MED23: variants seen among roughly 807,000 people sequenced by gnomAD.
The protein encoded by MED23 is mediator complex subunit 23, also known as mediator of RNA polymerase II transcription subunit 23.
MED23 carries 105 observed loss-of-function variants against 163.9 expected under a neutral mutation model. The observed-to-expected ratio is 0.64, with a 90% CI of 0.55 to 0.75. MED23 has a LOEUF of 0.75. MED23 is among the 30% of genes least tolerant of loss of function. The pLI, the probability that MED23 is intolerant of heterozygous loss-of-function variation, is 0.00. For missense variants in MED23, 1,054 were observed against 1,649.0 expected, an observed-to-expected ratio of 0.64 and a Z score of 6.25; for synonymous variants, 561 against 565.6, an observed-to-expected ratio of 0.99 and a Z score of 0.12.
intron 16 of MED23, among the ~76,000 whole-genome samples, chr6:131,602,701 T>G (rs1423177646): frequency 6.6e-6 from 1 of 152,106 alleles, no homozygotes; most frequent in Middle Eastern, 3.2e-3. Context: ...AAAATCAATG[T>G]GACATGATAC....
downstream of MED23, among the ~76,000 whole-genome samples, chr6:131,585,073 A>C (rs1189820684): frequency 1.3e-5 from 2 of 151,782 alleles, no homozygotes; most frequent in Non-Finnish European, 2.9e-5. Flanking sequence ...GTTTGTTTTT[A>C]ATAATAATTA....
At chr6:131,591,767 T>C (rs1774655121) in intron 25 of MED23, 1 of 543,422 alleles carries the variant, frequency 1.8e-6, no homozygotes, top group African/African-American at 1.9e-5. Context: ...TGATATACAC[T>C]ATGCAGTAAA....
At position 131,623,521 on chromosome 6, in the gene MED23, A is replaced by G; in HGVS notation, c.285-59T>C. 5 of 1,324,350 alleles carry G rather than the reference A, an allele frequency of 3.8e-6. No individual in the cohort carries two copies. The South Asian group carries it at 5.9e-5, about 16-fold the overall frequency. The allele number at this position is 1,324,350 out of a possible 1,614,324, so 82.0% of individuals were successfully genotyped here. On this transcript the variant is annotated intron_variant, in intron 4 of 28. Coordinates refer to ENST00000368068, the MANE Select transcript of MED23 (RefSeq NM_004830.4). Reference sequence around the variant, plus strand: ...GACAGAATTTTCCAAGTTCTCTAATAGCCGCCAATATGGTTTGGCTGTGTA... The same window carrying G: ...GACAGAATTTTCCAAGTTCTCTAATGGCCGCCAATATGGTTTGGCTGTGTA...
chr6:131,595,968 C>G lies in MED23; in HGVS notation c.2974G>C (p.Gly992Arg). Residue 992 changes from glycine (G) to arginine (R), a missense_variant, in exon 22 of 29, where the codon GGA becomes CGA. Transcript: ENST00000368068. ...TCACCATGAAATTTATATAAGCCTC[C>G]TAGATGATCCAGTAGAGTCTCCAGT... ...KSLETLLDHL[G>R]GLYKFHDRPV... The G allele has an allele frequency of 6.2e-7, 1 of 1,613,800 alleles. No homozygotes were observed.
chr6:131,591,610 T>C (rs1774641931), intron 25 of MED23, 83 bp from the exon 26 acceptor site: 1 of 1,085,926 alleles, frequency 9.2e-7, no homozygotes, highest in Non-Finnish European at 1.4e-6. Context: ...TGTTTTCTCA[T>C]TCTTTAAAGT....
At chr6:131,615,778 C>T (rs1776646756) in intron 10 of MED23, 129 bp downstream of exon 10, 4 of 711,940 alleles carry the variant, frequency 5.6e-6, no homozygotes, top group Non-Finnish European at 1.0e-5. Context: ...GTTTAAAAAA[C>T]CATGTATATT....
Position 131,628,017 on chromosome 6 carries a change from C to T in MED23, c.33G>A (p.Glu11=). ...GGCCGGCAGCTGCACTCACCACCAC[C>T]TCTTCGAAAATGCTCTGCAGTTGCG... METQLQSIFE[E]VVKTEVIEEA... Residue 11 remains glutamate (E), a synonymous_variant, in exon 1 of 29, where the codon GAG becomes GAA. Transcript: ENST00000368068. 2.5e-6 allele frequency: 4 copies of T among 1,614,092 alleles called. No individual in the cohort carries two copies. The highest frequency in any genetic ancestry group is 3.4e-6 in the Non-Finnish European group (4 of 1,180,040).
chr6:131,619,893 G>A lies in MED23; in HGVS notation c.601C>T (p.Leu201Phe). 6.2e-7 allele frequency: 1 copy of A among 1,607,040 alleles called. No homozygotes were observed. Among genetic ancestry groups the A allele is most frequent in the Non-Finnish European group, 8.5e-7 (1 of 1,174,432 alleles). ...ACAAAGTCTGATACTAGGTTTCCAA[G>A]TAACTAAAGAGAGAAAGAAAGAGGG... ...YPEGKLPHWL[L>F]GNLVSDFVDT... is the part of the protein sequence containing the mutation. The change falls in exon 8 of 29, where the codon CTT becomes TTT. Residue 201 changes from leucine (L) to phenylalanine (F), a missense_variant. Transcript: ENST00000368068.
intron 30 of MED23, among the ~76,000 whole-genome samples, chr6:131,580,002 G>A (rs906608341): frequency 5.9e-5 from 9 of 152,052 alleles, no homozygotes; most frequent in Non-Finnish European, 8.8e-5. Context: ...GGGTTACATC[G>A]CTATATACGT....
At chr6:131,585,743 T>C (rs534866478), downstream of MED23, among the ~76,000 whole-genome samples, 2 of 152,330 alleles carry the variant, frequency 1.3e-5, no homozygotes, top group South Asian at 2.1e-4. Context: ...GTGATAAACA[T>C]AAAGGCATTT....
chr6:131,580,021 C>T lies in MED23; in HGVS notation c.4096-5726G>A, dbSNP rs867462617. Among the ~76,000 whole-genome samples, 30 of 152,184 alleles carry T rather than the reference C, an allele frequency of 2.0e-4. No individual in the cohort carries two copies. The Middle Eastern group carries it at 0.017, about 86-fold the overall frequency. On this transcript the variant is annotated intron_variant, in intron 30 of 30. Coordinates refer to the MED23 transcript ENST00000354577. ...TACATCGCTATATACGTACATATTG[C>T]GGCATATTCAGGTTGCATTATAATT...
chr6:131,596,413 A>G, intron 21 of MED23, 105 bp downstream of exon 21: 2 of 1,300,276 alleles, frequency 1.5e-6, no homozygotes, highest in Non-Finnish European at 2.2e-6. Context: ...CTATATAGAC[A>G]AGAGAAAAAA....
chr6:131,624,371 C>T (rs1446522376), intron 4 of MED23, among the ~76,000 whole-genome samples: 2 of 152,126 alleles, frequency 1.3e-5, no homozygotes, highest in Admixed American at 6.6e-5. Flanking sequence ...TGAGGGCCTG[C>T]GGAGGTTCTG....
At position 131,590,402 on chromosome 6, in the gene MED23, AT is replaced by A; in HGVS notation, c.3726del (p.Glu1242AspfsTer26). The A allele has an allele frequency of 6.2e-7, 1 of 1,608,782 alleles. No homozygotes were observed. The highest frequency in any genetic ancestry group is 8.5e-7 in the Non-Finnish European group (1 of 1,175,350). On this transcript the variant is annotated frameshift_variant, in exon 27 of 29. Coordinates refer to ENST00000368068, the MANE Select transcript of MED23 (RefSeq NM_004830.4). LOFTEE classifies it high-confidence loss of function. Reference protein sequence around the residue: ...TEVLLPIVKTEFQLLYVYHLV... With the variant: ...TEVLLPIVKTXFQLLYVYHLV... ...AGATGGTATACATAAAGCAACTGGA[AT>A]TCGGTCTTCACTATAGGAAGAAGTA...
At chr6:131,603,297 T>G in intron 15 of MED23, 93 bp from the exon 16 acceptor site, 1 of 1,276,718 alleles carries the variant, frequency 7.8e-7, no homozygotes, top group South Asian at 1.2e-5. Context: ...ATATAAAGAT[T>G]TGATTGTGAA....
chr6:131,591,192 A>C, intron 26 of MED23, 121 bp downstream of exon 26: 1 of 740,624 alleles, frequency 1.4e-6, no homozygotes. Flanking sequence ...GTTGGCCAGG[A>C]TGGTCTCAAT....
rs1777372619 is a variant in MED23, at chr6:131,624,905, A to G, written c.244T>C (p.Cys82Arg). 1 of 1,613,896 alleles carries G rather than the reference A, an allele frequency of 6.2e-7. No homozygotes were observed. The highest frequency in any genetic ancestry group is 1.3e-5 in the African/African-American group (1 of 74,948). Residue 82 changes from cysteine (C) to arginine (R), a missense_variant, in exon 4 of 29, where the codon TGC becomes CGC. Cys to Arg is a radical substitution (Grantham distance 180, BLOSUM62 -3). Coordinates refer to ENST00000368068, the MANE Select transcript of MED23 (RefSeq NM_004830.4). The stretch of plus-strand genomic sequence containing the variant: ...CCAGTCTCAACTGCCATTGCTAAGC[A>G]GTCATAAAGAAAAGAAATTCTTTTA... ...SPKRISFLYD[C>R]LAMAVETGLL...
At chr6:131,604,659 ATTTAC>A (rs1324576697) in intron 14 of MED23, among the ~76,000 whole-genome samples, 1 of 152,190 alleles carries the variant, frequency 6.6e-6, no homozygotes, top group Admixed American at 6.5e-5. Context: ...TTTGTCACAG[ATTTAC>A]TTTAATAAAT....
At chr6:131,583,777 C>T (rs1172085840), downstream of MED23, 2 of 1,613,968 alleles carry the variant, frequency 1.2e-6, no homozygotes, top group Non-Finnish European at 1.7e-6. Context: ...GGAAGTGAAC[C>T]CATCCCTGGG....
Sources: gnomAD v4.1 joint callset for allele counts (sites outside exome capture counted in the v4.1 genomes callset) on GRCh38, gnomAD v4.1.1 for gene constraint, MANE v1.5 for transcripts, NCBI Gene and HGNC (gene_info 2026-07-23, HGNC 2026-07-21) for gene names.